Variants in PRIM2 observed in about 807,000 individuals in gnomAD.
The protein encoded by PRIM2 is DNA primase subunit 2.
Under a neutral mutation model 67.3 loss-of-function variants are expected in PRIM2, and 39 were observed. That is an observed-to-expected ratio of 0.58 (90% CI 0.45 to 0.76). The LOEUF (loss-of-function observed/expected upper bound fraction) is 0.76. Ranked by LOEUF, PRIM2 falls within the 30% of genes least tolerant of loss-of-function variation. PRIM2 has a pLI of 0.00. For synonymous variants in PRIM2, 143 were observed against 198.7 expected, an observed-to-expected ratio of 0.72 and a Z score of 2.36; for missense variants, 398 against 598.7, an observed-to-expected ratio of 0.66 and a Z score of 3.50.
At chr6:57,256,714 T>TCACACACA in the PRIM2 span, among the ~76,000 whole-genome samples, 5,618 of 134,408 alleles carry the variant, frequency 0.042, 188 homozygotes, top group East Asian at 0.15. Context: ...TCTCTCACTT[T>TCACACACA]CACACACACA....
chr6:57,356,692 C>T (rs569391208), intron 5 of PRIM2, among the ~76,000 whole-genome samples: 1,558 of 152,234 alleles, frequency 0.01, 29 homozygotes, highest in African/African-American at 0.034. Context: ...GCACTTTTTA[C>T]ATTTGAATTC....
intron 10 of PRIM2, among the ~76,000 whole-genome samples, chr6:57,543,230 C>T (rs1437178313): frequency 2.6e-5 from 4 of 152,018 alleles, no homozygotes; most frequent in East Asian, 3.9e-4. Flanking sequence ...TGAGCCACCG[C>T]GCCCGGCCAG....
At chr6:57,544,801 A>G (rs1362850987) in intron 10 of PRIM2, among the ~76,000 whole-genome samples, 1 of 152,222 alleles carries the variant, frequency 6.6e-6, no homozygotes. Context: ...CACCTAGAAC[A>G]GTGCCTGACT....
the PRIM2 span, among the ~76,000 whole-genome samples, chr6:57,283,642 T>G: frequency 6.6e-6 from 1 of 152,186 alleles, no homozygotes; most frequent in Non-Finnish European, 1.5e-5. Flanking sequence ...TAAAAATATG[T>G]GATTTCACTT....
chr6:57,610,986 G>A (rs1357591035), intron 12 of PRIM2, among the ~76,000 whole-genome samples: 80 of 152,206 alleles, frequency 5.3e-4, no homozygotes, highest in Admixed American at 1.4e-3. Context: ...TATAAAGTAG[G>A]ATTTAAAGCA....
At chr6:57,388,849 G>A (rs1770234705) in intron 7 of PRIM2, among the ~76,000 whole-genome samples, 1 of 152,174 alleles carries the variant, frequency 6.6e-6, no homozygotes. Flanking sequence ...TGGCAAGTTT[G>A]AAGTTGGATT....
chr6:57,376,176 T>C (rs1189362974), intron 5 of PRIM2, among the ~76,000 whole-genome samples: 9 of 152,156 alleles, frequency 5.9e-5, no homozygotes, highest in Non-Finnish European at 1.2e-4. Flanking sequence ...CCAGCCTGGG[T>C]GAACAAACAA....
At chr6:57,357,533 G>C (rs1769070008) in intron 5 of PRIM2, among the ~76,000 whole-genome samples, 1 of 151,080 alleles carries the variant, frequency 6.6e-6, no homozygotes, top group Non-Finnish European at 1.5e-5. Flanking sequence ...TCATGTATCA[G>C]CTTAAACAGT....
At chr6:57,304,181 C>T in the PRIM2 span, among the ~76,000 whole-genome samples, 1 of 151,528 alleles carries the variant, frequency 6.6e-6, no homozygotes, top group Non-Finnish European at 1.5e-5. Context: ...TCCAGACAAC[C>T]CAGGATATGC....
chr6:57,475,522 A>G (rs1180995941), intron 7 of PRIM2, among the ~76,000 whole-genome samples: 15 of 152,162 alleles, frequency 9.9e-5, no homozygotes, highest in African/African-American at 4.8e-5. Flanking sequence ...TTTGTAGCAT[A>G]TGTCAGTACT....
chr6:57,479,555 T>C (rs1232185805), intron 7 of PRIM2, among the ~76,000 whole-genome samples: 1 of 152,164 alleles, frequency 6.6e-6, no homozygotes, highest in Non-Finnish European at 1.5e-5. Flanking sequence ...AAAAGCTACG[T>C]TTTTAAGTGC....
chr6:57,644,610 A>G (rs1182070729), intron 13 of PRIM2, among the ~76,000 whole-genome samples: 1 of 152,234 alleles, frequency 6.6e-6, no homozygotes, highest in Non-Finnish European at 1.5e-5. Context: ...ACTGGTATAC[A>G]CTATTTCTGG....
intron 13 of PRIM2, among the ~76,000 whole-genome samples, chr6:57,642,435 CTTT>C (rs1156576933): frequency 0.013 from 1,068 of 83,086 alleles, 10 homozygotes; most frequent in South Asian, 0.068. Flanking sequence ...AATATTATAT[CTTT>C]TTTTTTTTTT....
chr6:57,327,546 T>C (rs1210050855), intron 5 of PRIM2, among the ~76,000 whole-genome samples: 1 of 152,208 alleles, frequency 6.6e-6, no homozygotes, highest in African/African-American at 2.4e-5. Context: ...TTCATTTACT[T>C]CATGAGGTTT....
At chr6:57,498,242 A>G (rs1385375382) in intron 7 of PRIM2, among the ~76,000 whole-genome samples, 1 of 152,156 alleles carries the variant, frequency 6.6e-6, no homozygotes, top group Non-Finnish European at 1.5e-5. Context: ...ATATATAAGC[A>G]TAACCTATTC....
intron 7 of PRIM2, among the ~76,000 whole-genome samples, chr6:57,445,303 G>A (rs927994200): frequency 6.6e-5 from 10 of 152,098 alleles, no homozygotes; most frequent in Non-Finnish European, 1.5e-4. Context: ...AGTTAGGAGA[G>A]GGGTGTGTGT....
At chr6:57,622,782 TCA>T (rs1776882716) in intron 12 of PRIM2, among the ~76,000 whole-genome samples, 1 of 152,180 alleles carries the variant, frequency 6.6e-6, no homozygotes, top group Admixed American at 6.5e-5. Flanking sequence ...CCTCTGTTTT[TCA>T]CAGTCAAAAA....
At chr6:57,295,555 A>G in the PRIM2 span, among the ~76,000 whole-genome samples, 1 of 152,218 alleles carries the variant, frequency 6.6e-6, no homozygotes, top group African/African-American at 2.4e-5. Context: ...AATTAGAACC[A>G]TAATTTTTAG....
chr6:57,401,421 C>T (rs112940932), intron 7 of PRIM2, among the ~76,000 whole-genome samples: 20 of 152,014 alleles, frequency 1.3e-4, no homozygotes, highest in African/African-American at 3.9e-4. Flanking sequence ...GGGTGTGATG[C>T]GGTAGGTGAC....
Sources: allele counts gnomAD v4.1 joint callset (sites outside exome capture counted in the v4.1 genomes callset), GRCh38; gene constraint gnomAD v4.1.1; transcripts MANE v1.5; gene names NCBI Gene and HGNC (gene_info 2026-07-23, HGNC 2026-07-21).